CNBD1: variants seen among roughly 807,000 people sequenced by gnomAD.
CNBD1 encodes the protein cyclic nucleotide binding domain containing 1.
Under a neutral mutation model 54.4 loss-of-function variants are expected in CNBD1, and 71 were observed. The observed-to-expected ratio is 1.30, with a 90% CI of 1.08 to 1.59. CNBD1 has a LOEUF of 1.59. CNBD1 is among the 40% of genes most tolerant of loss of function. The pLI, the probability that CNBD1 is intolerant of heterozygous loss-of-function variation, is 0.00. For missense variants in CNBD1, 659 were observed against 518.0 expected (o/e 1.27, Z -2.64); for synonymous variants, 182 against 170.7 (o/e 1.07, Z -0.51).
intron 4 of CNBD1, among the ~76,000 whole-genome samples, chr8:87,143,148 T>A (rs1223602136): frequency 6.6e-6 from 1 of 152,192 alleles, no homozygotes; most frequent in African/African-American, 2.4e-5. Flanking sequence ...GGCAACTCAA[T>A]TGAATTACAG....
At chr8:87,316,211 T>C (rs6985516) in intron 8 of CNBD1, among the ~76,000 whole-genome samples, 57,804 of 151,816 alleles carry the variant, frequency 0.38, 11,279 homozygotes, top group Middle Eastern at 0.46. Context: ...GAAATTGTTT[T>C]GTCATATACA....
chr8:87,343,172 C>T (rs1810102255), intron 8 of CNBD1, among the ~76,000 whole-genome samples: 1 of 152,116 alleles, frequency 6.6e-6, no homozygotes, highest in Non-Finnish European at 1.5e-5. Context: ...GCAGTCAGAC[C>T]TTATGGTTAT....
chr8:87,246,912 T>C (rs1807817389), intron 6 of CNBD1, among the ~76,000 whole-genome samples: 1 of 152,116 alleles, frequency 6.6e-6, no homozygotes, highest in Non-Finnish European at 1.5e-5. Context: ...ATGTAGAACC[T>C]ATGGGAGCCC....
intron 4 of CNBD1, among the ~76,000 whole-genome samples, chr8:87,061,965 A>G (rs1810556570): frequency 6.6e-6 from 1 of 152,182 alleles, no homozygotes; most frequent in South Asian, 2.1e-4. Context: ...TCTCTTTTCA[A>G]CTGAGCAATG....
chr8:87,330,047 C>G (rs117967793), intron 8 of CNBD1, among the ~76,000 whole-genome samples: 3,478 of 151,896 alleles, frequency 0.023, 64 homozygotes, highest in Non-Finnish European at 0.033. Flanking sequence ...TATTCTATAT[C>G]AATTGGAAGA....
At chr8:87,234,207 G>C (rs770505026) in intron 5 of CNBD1, among the ~76,000 whole-genome samples, 1 of 152,062 alleles carries the variant, frequency 6.6e-6, no homozygotes. Context: ...TCATCCTTGA[G>C]GGTTGGAATC....
chr8:87,349,423 G>T (rs564209018), intron 8 of CNBD1, among the ~76,000 whole-genome samples: 1 of 152,194 alleles, frequency 6.6e-6, no homozygotes, highest in South Asian at 2.1e-4. Context: ...TCGCTCAGGT[G>T]GGAGTGCAGT....
At chr8:87,352,764 T>C (rs1391313977) in intron 9 of CNBD1, among the ~76,000 whole-genome samples, 2 of 152,162 alleles carry the variant, frequency 1.3e-5, no homozygotes, top group East Asian at 1.9e-4. Flanking sequence ...GAACTAATCA[T>C]TAGTTGGTCA....
intron 8 of CNBD1, among the ~76,000 whole-genome samples, chr8:87,301,646 A>C (rs1257334887): frequency 6.6e-6 from 1 of 152,186 alleles, no homozygotes; most frequent in African/African-American, 2.4e-5. Flanking sequence ...AACTAAGAGC[A>C]GAACTGAAGG....
chr8:87,250,125 A>G (rs764385736), intron 6 of CNBD1, among the ~76,000 whole-genome samples: 8 of 152,248 alleles, frequency 5.3e-5, no homozygotes, highest in Non-Finnish European at 4.4e-5. Flanking sequence ...ACAACTCAAT[A>G]GCAAAAAATG....
At chr8:86,957,055 A>G (rs932835033) in intron 4 of CNBD1, among the ~76,000 whole-genome samples, 6 of 152,190 alleles carry the variant, frequency 3.9e-5, no homozygotes, top group South Asian at 2.1e-4. Context: ...GTTGAATTTC[A>G]CCAAAGGCTT....
chr8:87,222,460 C>T (rs1186132081), intron 5 of CNBD1, among the ~76,000 whole-genome samples: 1 of 152,006 alleles, frequency 6.6e-6, no homozygotes, highest in Non-Finnish European at 1.5e-5. Flanking sequence ...GAAGAAAGAT[C>T]CCAGAGGAGG....
chr8:86,988,700 A>G (rs1243063997), intron 4 of CNBD1, among the ~76,000 whole-genome samples: 5 of 151,952 alleles, frequency 3.3e-5, no homozygotes, highest in Non-Finnish European at 7.4e-5. Flanking sequence ...TATGATATTC[A>G]TTATTCTCTT....
chr8:86,975,993 AT>A (rs1279741860), intron 4 of CNBD1, among the ~76,000 whole-genome samples: 2 of 151,634 alleles, frequency 1.3e-5, no homozygotes, highest in African/African-American at 4.8e-5. Flanking sequence ...AATGCTGAAT[AT>A]TTTTTTCATA....
At chr8:86,981,116 G>C (rs907391848) in intron 4 of CNBD1, among the ~76,000 whole-genome samples, 1 of 152,182 alleles carries the variant, frequency 6.6e-6, no homozygotes. Flanking sequence ...ATATAATTTG[G>C]ATATGACACA....
intron 4 of CNBD1, among the ~76,000 whole-genome samples, chr8:87,029,565 G>T (rs1215403630): frequency 6.6e-6 from 1 of 152,028 alleles, no homozygotes; most frequent in African/African-American, 2.4e-5. Context: ...TAAATTGCAA[G>T]ATAATAAATT....
At chr8:87,040,279 A>G (rs77141967) in intron 4 of CNBD1, among the ~76,000 whole-genome samples, 2,367 of 152,352 alleles carry the variant, frequency 0.016, 21 homozygotes, top group Non-Finnish European at 0.021. Context: ...ATGGACAAGG[A>G]CAGCTTGGAG....
At chr8:87,265,193 G>T (rs1308678134) in intron 6 of CNBD1, among the ~76,000 whole-genome samples, 1 of 152,034 alleles carries the variant, frequency 6.6e-6, no homozygotes, top group Non-Finnish European at 1.5e-5. Context: ...TGTAAGGAAG[G>T]GATCCAGTTT....
At chr8:86,937,719 G>A (rs991495121) in intron 3 of CNBD1, among the ~76,000 whole-genome samples, 9 of 127,500 alleles carry the variant, frequency 7.1e-5, no homozygotes, top group Admixed American at 1.7e-4. Context: ...GGCTCTGGGC[G>A]AGACCCATGA....
Sources: gnomAD v4.1 joint callset for allele counts (sites outside exome capture counted in the v4.1 genomes callset) on GRCh38, gnomAD v4.1.1 for gene constraint, MANE v1.5 for transcripts, NCBI Gene and HGNC (gene_info 2026-07-23, HGNC 2026-07-21) for gene names.